The following TANC1 variants were observed in gnomAD, a reference collection of about 807,000 sequenced individuals.
TANC1 encodes the protein tetratricopeptide repeat, ankyrin repeat and coiled-coil containing 1, also known as protein TANC1.
Under a neutral mutation model 149.7 loss-of-function variants are expected in TANC1, and 77 were observed. The observed-to-expected ratio is 0.51, with a 90% confidence interval of 0.43 to 0.62. The LOEUF is 0.62. TANC1 is among the 20% of genes least tolerant of loss of function. The pLI is 0.00. For synonymous variants in TANC1, 854 were observed against 925.0 expected, an observed-to-expected ratio of 0.92 and a Z score of 1.39; for missense variants, 1,985 against 2,321.8, an observed-to-expected ratio of 0.85 and a Z score of 2.98.
At chr2:159,136,757 A>G (rs1234977342) in intron 5 of TANC1, among the ~76,000 whole-genome samples, 1 of 140,134 alleles carries the variant, frequency 7.1e-6, no homozygotes, top group Non-Finnish European at 1.5e-5. Flanking sequence ...TAACATCTGA[A>G]GTTTTTCTTT....
At chr2:159,035,178 G>A (rs1319777505) in intron 2 of TANC1, among the ~76,000 whole-genome samples, 2 of 152,290 alleles carry the variant, frequency 1.3e-5, no homozygotes, top group East Asian at 1.9e-4. Flanking sequence ...TGATGACCAC[G>A]AGGTAAACTG....
chr2:159,037,066 A>T (rs1458021279), intron 2 of TANC1, among the ~76,000 whole-genome samples: 6 of 152,144 alleles, frequency 3.9e-5, no homozygotes, highest in Admixed American at 1.3e-4. Flanking sequence ...CTGGTGTGAG[A>T]TGGTATCTCA....
intron 4 of TANC1, among the ~76,000 whole-genome samples, chr2:159,116,014 C>T (rs554768539): frequency 1.3e-5 from 2 of 152,172 alleles, no homozygotes; most frequent in South Asian, 4.1e-4. Flanking sequence ...GTGAAGAGCA[C>T]CAAGGAGTTG....
chr2:159,077,053 C>T (rs2043767259), intron 3 of TANC1, among the ~76,000 whole-genome samples: 1 of 147,390 alleles, frequency 6.8e-6, no homozygotes, highest in African/African-American at 2.5e-5. Context: ...CTTACATGGT[C>T]TTGATCTAGA....
At chr2:159,223,809 G>A (rs1021989691) in intron 22 of TANC1, among the ~76,000 whole-genome samples, 1 of 152,220 alleles carries the variant, frequency 6.6e-6, no homozygotes, top group African/African-American at 2.4e-5. Context: ...GCCGTGCACA[G>A]GTTGTGTGGG....
intron 1 of TANC1, among the ~76,000 whole-genome samples, chr2:158,976,428 G>A (rs1573912671): frequency 1.3e-5 from 2 of 152,228 alleles, no homozygotes; most frequent in East Asian, 3.9e-4. Context: ...AGATTATCTG[G>A]TTTTAACTAA....
intron 2 of TANC1, among the ~76,000 whole-genome samples, chr2:159,062,738 C>T (rs1022979398): frequency 4.6e-5 from 7 of 151,548 alleles, no homozygotes; most frequent in Non-Finnish European, 8.8e-5. Context: ...GAGGCCGAGG[C>T]GGGTGGATCA....
chr2:159,042,946 G>A (rs2040768409), intron 2 of TANC1, among the ~76,000 whole-genome samples: 1 of 152,128 alleles, frequency 6.6e-6, no homozygotes, highest in South Asian at 2.1e-4. Context: ...GTTGTGGACT[G>A]GGCTGTAAAC....
chr2:159,098,834 T>C (rs1270511800), intron 4 of TANC1, among the ~76,000 whole-genome samples: 1 of 152,166 alleles, frequency 6.6e-6, no homozygotes, highest in Non-Finnish European at 1.5e-5. Flanking sequence ...TCTTGGATTT[T>C]TTTTTTTTAA....
chr2:159,011,776 T>C (rs1324111242), intron 2 of TANC1, among the ~76,000 whole-genome samples: 6 of 152,192 alleles, frequency 3.9e-5, no homozygotes, highest in African/African-American at 9.7e-5. Context: ...GATTTTTATA[T>C]GTGCCAAAAG....
At chr2:159,150,679 T>C (rs571105074) in intron 7 of TANC1, 123 bp downstream of exon 7, 1 of 697,708 alleles carries the variant, frequency 1.4e-6, no homozygotes, top group South Asian at 1.8e-5. Flanking sequence ...GCCTGCTCTG[T>C]TCTTTGCAGG....
chr2:159,020,233 C>A (rs945999423), intron 2 of TANC1, among the ~76,000 whole-genome samples: 3 of 152,168 alleles, frequency 2.0e-5, no homozygotes, highest in African/African-American at 7.2e-5. Flanking sequence ...CCTGCCTCAG[C>A]CTCCTGAGTA....
intron 5 of TANC1, among the ~76,000 whole-genome samples, chr2:159,138,896 T>G (rs902753944): frequency 6.6e-6 from 1 of 152,240 alleles, no homozygotes; most frequent in African/African-American, 2.4e-5. Context: ...CATCAACTCT[T>G]GATTCTTAGC....
At chr2:159,224,126 G>C (rs1428423721) in intron 22 of TANC1, 106 bp from the exon 23 acceptor site, 2 of 1,301,118 alleles carry the variant, frequency 1.5e-6, no homozygotes, top group Non-Finnish European at 2.2e-6. Context: ...TTAATAGGCA[G>C]AGGCATCTAA....
At chr2:159,150,041 A>C (rs1559350359) in intron 6 of TANC1, 1 of 216,112 alleles carries the variant, frequency 4.6e-6, no homozygotes. Context: ...ACTTCAAATG[A>C]AAGGAAGTCT....
chr2:159,187,081 TTCC>T (rs2057039235), intron 16 of TANC1, 57 bp downstream of exon 16: 2 of 1,595,956 alleles, frequency 1.3e-6, no homozygotes, highest in Admixed American at 3.4e-5. Context: ...CTGCTGGCCG[TTCC>T]TCCAACAGCC....
chr2:159,008,317 G>T (rs1310494335), intron 2 of TANC1, among the ~76,000 whole-genome samples: 2 of 152,196 alleles, frequency 1.3e-5, no homozygotes, highest in Non-Finnish European at 2.9e-5. Flanking sequence ...TCACAGCTGT[G>T]CCCTATTGAG....
At chr2:159,181,647 C>A (rs902755000) in intron 14 of TANC1, among the ~76,000 whole-genome samples, 7 of 152,214 alleles carry the variant, frequency 4.6e-5, no homozygotes, top group Non-Finnish European at 1.0e-4. Context: ...ACAGAACAAC[C>A]TGTCATGTCT....
At chr2:159,046,589 C>CTTTTTTTTTTTTTTTTTTTTT (rs57208685) in intron 2 of TANC1, among the ~76,000 whole-genome samples, 4 of 84,388 alleles carry the variant, frequency 4.7e-5, no homozygotes, top group Non-Finnish European at 8.4e-5. Context: ...CTTTTCTTTA[C>CTTTTTTTTTTTTTTTTTTTTT]TTTTTTTTTT....
Sources: gnomAD v4.1 joint callset for allele counts (sites outside exome capture counted in the v4.1 genomes callset) on GRCh38, gnomAD v4.1.1 for gene constraint, MANE v1.5 for transcripts, NCBI Gene and HGNC (gene_info 2026-07-23, HGNC 2026-07-21) for gene names.